SH3GL3: variants seen among roughly 807,000 people sequenced by gnomAD.
SH3GL3 encodes SH3 domain containing GRB2 like 3, endophilin A3, also known as endophilin-A3.
In SH3GL3, 33 loss-of-function variants were observed where a neutral mutation model predicts 47.7. The ratio of observed to expected loss-of-function variants is 0.69; its 90% CI spans 0.52 to 0.92. SH3GL3 has a LOEUF of 0.92. SH3GL3 is among the 40% of genes least tolerant of loss of function. The pLI is 0.00. For missense variants in SH3GL3, 363 were observed against 417.8 expected (o/e 0.87, Z 1.14); for synonymous variants, 155 against 148.8 (o/e 1.04, Z -0.30).
intron 3 of SH3GL3, among the ~76,000 whole-genome samples, chr15:83,567,723 C>T (rs567656366): frequency 5.9e-5 from 9 of 152,130 alleles, no homozygotes; most frequent in South Asian, 2.1e-4. Context: ...TGTGCGTGCG[C>T]GCGCATGTGG....
At chr15:83,574,538 A>G (rs1567001656) in intron 5 of SH3GL3, among the ~76,000 whole-genome samples, 1 of 152,070 alleles carries the variant, frequency 6.6e-6, no homozygotes, top group Non-Finnish European at 1.5e-5. Context: ...CACACAGCAC[A>G]GCTGCCCTTG....
chr15:83,491,297 T>C (rs925061934), intron 1 of SH3GL3, among the ~76,000 whole-genome samples: 2 of 152,214 alleles, frequency 1.3e-5, no homozygotes, highest in African/African-American at 4.8e-5. Flanking sequence ...AATGAAGCTC[T>C]TTCCTAAATA....
chr15:83,574,383 C>T (rs2059617773), intron 5 of SH3GL3, among the ~76,000 whole-genome samples: 1 of 152,146 alleles, frequency 6.6e-6, no homozygotes, highest in African/African-American at 2.4e-5. Context: ...GAAACATGTC[C>T]CTGTTGCTCT....
At chr15:83,470,090 A>G (rs1246980984) in intron 1 of SH3GL3, among the ~76,000 whole-genome samples, 2 of 152,066 alleles carry the variant, frequency 1.3e-5, no homozygotes, top group South Asian at 4.2e-4. Flanking sequence ...TTTCCTCTGA[A>G]GTCTACTTTA....
intron 2 of SH3GL3, among the ~76,000 whole-genome samples, chr15:83,562,802 T>G (rs183323864): frequency 7.2e-5 from 11 of 152,348 alleles, no homozygotes; most frequent in Non-Finnish European, 1.6e-4. Flanking sequence ...CTTACATTTC[T>G]TGTGACTAAT....
chr15:83,568,675 G>A lies in SH3GL3; in HGVS notation c.331+3G>A, dbSNP rs2045672267. ...GCTCGGGGAAGACTCCACCTTTGGT[G>A]AGTTATTCAGAGATCAGCTGGGGGA... On this transcript the variant is annotated splice_donor_region_variant and intron_variant, in intron 4 of 8. Transcript: ENST00000427482. 3 of 1,612,424 alleles carry A rather than the reference G, an allele frequency of 1.9e-6. No individual in the cohort carries two copies. Among genetic ancestry groups the A allele is most frequent in the Non-Finnish European group, 2.5e-6 (3 of 1,178,628 alleles).
At chr15:83,468,379 G>T (rs922084686) in intron 1 of SH3GL3, among the ~76,000 whole-genome samples, 1 of 151,906 alleles carries the variant, frequency 6.6e-6, no homozygotes. Context: ...TTATTTCACT[G>T]TCTAGAACTT....
At chr15:83,591,704 G>T (rs1428295561) in intron 8 of SH3GL3, among the ~76,000 whole-genome samples, 1 of 150,822 alleles carries the variant, frequency 6.6e-6, no homozygotes. Context: ...TTATTTTTTT[G>T]AGACAAAGTC....
chr15:83,481,004 G>A (rs1844859), intron 1 of SH3GL3, among the ~76,000 whole-genome samples: 21,291 of 152,068 alleles, frequency 0.14, 1,840 homozygotes, highest in Middle Eastern at 0.21. Flanking sequence ...GGCTGTGCAC[G>A]GTGGCTCACA....
chr15:83,498,577 C>A (rs917796379), intron 1 of SH3GL3, among the ~76,000 whole-genome samples: 2 of 152,144 alleles, frequency 1.3e-5, no homozygotes, highest in Non-Finnish European at 2.9e-5. Flanking sequence ...CACTCCACAC[C>A]CTTATCTCTC....
intron 1 of SH3GL3, among the ~76,000 whole-genome samples, chr15:83,506,436 T>A (rs2042505956): frequency 6.6e-6 from 1 of 152,234 alleles, no homozygotes; most frequent in African/African-American, 2.4e-5. Context: ...CTGTTGATTC[T>A]GGCACTTTCT....
intron 6 of SH3GL3, among the ~76,000 whole-genome samples, chr15:83,580,709 G>A (rs970987076): frequency 3.9e-5 from 6 of 152,180 alleles, no homozygotes; most frequent in South Asian, 2.1e-4. Context: ...TTGCACCTTC[G>A]GTGGATGACA....
intron 1 of SH3GL3, among the ~76,000 whole-genome samples, chr15:83,487,883 T>C (rs927169366): frequency 9.9e-5 from 15 of 150,928 alleles, no homozygotes; most frequent in Non-Finnish European, 1.9e-4. Context: ...CTTTTCTTTT[T>C]TTTTTTTTCC....
chr15:83,517,468 A>T lies in SH3GL3; in HGVS notation c.46-41785A>T, dbSNP rs2043033459. 4.0e-5 allele frequency among the ~76,000 whole-genome samples: 6 copies of T among 151,462 alleles called. No individual in the cohort carries two copies. In the South Asian group the frequency reaches 1.3e-3, roughly 32 times the overall value. On this transcript the variant is annotated intron_variant, in intron 1 of 8. Coordinates refer to ENST00000427482, the MANE Select transcript of SH3GL3 (RefSeq NM_003027.5). The stretch of plus-strand genomic sequence containing the variant: ...TAATCCACCTGCCTCACCCTCCCAA[A>T]GTGCTGGAATTACAGGCGTGAGCCA...
At chr15:83,628,223 C>T in the SH3GL3 span, among the ~76,000 whole-genome samples, 1 of 152,138 alleles carries the variant, frequency 6.6e-6, no homozygotes, top group Non-Finnish European at 1.5e-5. Flanking sequence ...GAGAAAATCC[C>T]TCCTTATAGA....
intron 1 of SH3GL3, among the ~76,000 whole-genome samples, chr15:83,507,393 C>G (rs989889555): frequency 1.3e-5 from 2 of 151,572 alleles, no homozygotes; most frequent in African/African-American, 4.9e-5. Flanking sequence ...CTTGGATCTT[C>G]CAGGTATTCA....
chr15:83,565,159 T>C lies in SH3GL3; in HGVS notation c.140T>C (p.Val47Ala). 1 of 1,571,624 alleles carries C rather than the reference T, an allele frequency of 6.4e-7. No individual in the cohort carries two copies. The highest frequency in any genetic ancestry group is 8.7e-7 in the Non-Finnish European group (1 of 1,147,116). The stretch of plus-strand genomic sequence containing the variant: ...AAAATAGATGTTACCAATAAAGTTG[T>C]TGCAGAAATTCTTTCAAAAACCACT... The part of the protein sequence containing the change: ...ERKIDVTNKV[V>A]AEILSKTTEY... The change falls in exon 3 of 9, where the codon GTT becomes GCT. Residue 47 changes from valine to alanine, a missense_variant. Val to Ala is a moderately conservative substitution (Grantham distance 64). Coordinates refer to ENST00000427482, the MANE Select transcript of SH3GL3 (RefSeq NM_003027.5).
At chr15:83,562,079 A>ACACACACACT (rs2045317085) in intron 2 of SH3GL3, among the ~76,000 whole-genome samples, 1 of 128,064 alleles carries the variant, frequency 7.8e-6, no homozygotes, top group South Asian at 2.4e-4. Flanking sequence ...ACACACACAC[A>ACACACACACT]CACTATAGTG....
intron 4 of SH3GL3, among the ~76,000 whole-genome samples, chr15:83,569,720 A>C (rs115605119): frequency 6.6e-6 from 1 of 152,236 alleles, no homozygotes; most frequent in Non-Finnish European, 1.5e-5. Flanking sequence ...GATATGTAGT[A>C]TACAAAAATG....
Sources: allele counts gnomAD v4.1 joint callset (sites outside exome capture counted in the v4.1 genomes callset), GRCh38; gene constraint gnomAD v4.1.1; transcripts MANE v1.5; gene names NCBI Gene and HGNC (gene_info 2026-07-23, HGNC 2026-07-21).